Variants in CCDC91 observed in about 807,000 individuals in gnomAD.
The protein encoded by CCDC91 is coiled-coil domain containing 91, also known as coiled-coil domain-containing protein 91.
Under a neutral mutation model 63.2 loss-of-function variants are expected in CCDC91, and 48 were observed. The ratio of observed to expected loss-of-function variants is 0.76; its 90% CI spans 0.60 to 0.97. The LOEUF (loss-of-function observed/expected upper bound fraction) is 0.97. CCDC91 is among the 50% of genes least tolerant of loss of function. The probability of loss-of-function intolerance (pLI) is 0.00; values close to 1 mark genes in which losing one functional copy is unlikely to be tolerated. For missense variants in CCDC91, 500 were observed against 494.6 expected (o/e 1.01, Z -0.10); for synonymous variants, 167 against 165.8 (o/e 1.01, Z -0.06).
chr12:28,500,773 C>G (rs774715275), intron 12 of CCDC91, among the ~76,000 whole-genome samples: 1 of 151,628 alleles, frequency 6.6e-6, no homozygotes, highest in Non-Finnish European at 1.5e-5. Flanking sequence ...TAGATGTATT[C>G]CATAGATATT....
At chr12:28,335,174 T>C (rs1440828785) in intron 6 of CCDC91, among the ~76,000 whole-genome samples, 20 of 138,458 alleles carry the variant, frequency 1.4e-4, no homozygotes, top group Admixed American at 1.2e-3. Context: ...ATATAATGTT[T>C]ATAATATAAA....
intron 6 of CCDC91, among the ~76,000 whole-genome samples, chr12:28,358,037 C>T (rs1943633241): frequency 6.6e-6 from 1 of 152,044 alleles, no homozygotes; most frequent in African/African-American, 2.4e-5. Context: ...GTATGATTGC[C>T]ATTAGTAACT....
In CCDC91 at chr12:28,257,234, G is replaced by C; in HGVS notation, c.19G>C (p.Gly7Arg). Residue 7 changes from glycine (G) to arginine (R), a missense_variant, in exon 2 of 13, where the codon GGT becomes CGT. Gly to Arg is a moderately radical substitution (Grantham distance 125). Coordinates refer to ENST00000536442, the MANE Select transcript of CCDC91 (RefSeq NM_018318.5). The part of the protein sequence containing the change: MDDDDF[G>R]GFEAAETFDG... ...TTGAAGAATGGATGATGATGATTTTGGTGGTTTTGAGGTATGCACTGTTAT... is the reference window on the plus strand; with the variant it reads ...TTGAAGAATGGATGATGATGATTTTCGTGGTTTTGAGGTATGCACTGTTAT... 6.2e-7 allele frequency: 1 copy of C among 1,610,540 alleles called. No individual in the cohort carries two copies. The highest frequency in any genetic ancestry group is 8.5e-7 in the Non-Finnish European group (1 of 1,177,194).
At chr12:28,484,859 A>G (rs563351481) in intron 12 of CCDC91, among the ~76,000 whole-genome samples, 3 of 150,170 alleles carry the variant, frequency 2.0e-5, no homozygotes. Flanking sequence ...ATAATAAAAT[A>G]TATAATAAAA....
intron 7 of CCDC91, among the ~76,000 whole-genome samples, chr12:28,378,258 CT>C (rs1413316277): frequency 2.0e-5 from 3 of 152,034 alleles, no homozygotes; most frequent in African/African-American, 7.2e-5. Flanking sequence ...ATGCTAAATA[CT>C]TTTTGTTAAG....
intron 1 of CCDC91, among the ~76,000 whole-genome samples, chr12:28,223,044 G>A (rs941870290): frequency 1.3e-5 from 2 of 152,008 alleles, no homozygotes; most frequent in African/African-American, 4.8e-5. Context: ...GGTGAGCTTC[G>A]CCAGCCTATC....
chr12:28,442,848 T>G (rs1949299162), intron 8 of CCDC91, among the ~76,000 whole-genome samples: 1 of 152,040 alleles, frequency 6.6e-6, no homozygotes, highest in Non-Finnish European at 1.5e-5. Context: ...GTATGTTTGT[T>G]TGTTTGTTTG....
chr12:28,439,248 T>G (rs950091629), intron 8 of CCDC91, among the ~76,000 whole-genome samples: 1 of 152,190 alleles, frequency 6.6e-6, no homozygotes, highest in African/African-American at 2.4e-5. Context: ...GGTAACTTCT[T>G]TAAGTAGATT....
At chr12:28,516,279 AC>A (rs1247688369) in intron 12 of CCDC91, among the ~76,000 whole-genome samples, 11 of 151,932 alleles carry the variant, frequency 7.2e-5, no homozygotes, top group Non-Finnish European at 1.6e-4. Flanking sequence ...ATATCAGAAT[AC>A]CTAAGACTGA....
At chr12:28,433,564 A>G (rs1166493721) in intron 8 of CCDC91, among the ~76,000 whole-genome samples, 2 of 151,732 alleles carry the variant, frequency 1.3e-5, no homozygotes, top group African/African-American at 4.8e-5. Context: ...CCATTTATCT[A>G]TTTGTTGATT....
At chr12:28,523,476 A>G (rs1307672861) in intron 12 of CCDC91, among the ~76,000 whole-genome samples, 1 of 152,014 alleles carries the variant, frequency 6.6e-6, no homozygotes, top group Admixed American at 6.6e-5. Context: ...GTCTCTGCAC[A>G]TGAGATGGGT....
intron 7 of CCDC91, among the ~76,000 whole-genome samples, chr12:28,374,934 G>A (rs990140017): frequency 2.0e-5 from 3 of 152,006 alleles, no homozygotes; most frequent in Non-Finnish European, 4.4e-5. Flanking sequence ...TCTGTCTTTA[G>A]TGATTTTATA....
chr12:28,361,735 T>C (rs1187093937), intron 6 of CCDC91, among the ~76,000 whole-genome samples: 3 of 152,086 alleles, frequency 2.0e-5, no homozygotes, highest in Admixed American at 2.0e-4. Context: ...CTATCTGTTT[T>C]CTCCATTTCC....
intron 3 of CCDC91, among the ~76,000 whole-genome samples, chr12:28,298,693 T>A (rs564896899): frequency 6.6e-6 from 1 of 150,640 alleles, no homozygotes; most frequent in East Asian, 1.9e-4. Context: ...GGAACCACTG[T>A]CCTCCATTTT....
intron 3 of CCDC91, among the ~76,000 whole-genome samples, chr12:28,305,170 C>T (rs927290425): frequency 8.6e-5 from 13 of 151,934 alleles, no homozygotes; most frequent in East Asian, 1.9e-4. Flanking sequence ...ACTTGCCTAC[C>T]GAGTCATAAA....
At chr12:28,234,486 G>A (rs1334063203) in intron 1 of CCDC91, among the ~76,000 whole-genome samples, 2 of 152,084 alleles carry the variant, frequency 1.3e-5, no homozygotes, top group African/African-American at 4.8e-5. Flanking sequence ...CTATCTTACA[G>A]ATTTTTAAAG....
chr12:28,464,128 C>T (rs1950439126), intron 11 of CCDC91, among the ~76,000 whole-genome samples: 1 of 152,148 alleles, frequency 6.6e-6, no homozygotes, highest in African/African-American at 2.4e-5. Context: ...CTCCTGCCCA[C>T]TGAGTGAGCA....
In CCDC91 at chr12:28,452,542, A is replaced by G. The variant is rs759061812; in HGVS notation, c.989A>G (p.Glu330Gly). Residue 330 changes from glutamate (E) to glycine (G), a missense_variant, in exon 11 of 13, where the codon GAA becomes GGA. Physicochemically the swap from Glu to Gly is moderately conservative, Grantham distance 98. Transcript: ENST00000536442. The part of the protein sequence containing the change: ...KVVEEERKNL[E>G]KAHAEERELW... The stretch of plus-strand genomic sequence containing the variant: ...GTAGAAGAAGAAAGAAAAAATTTAG[A>G]AAAAGCGCATGCTGAAGAAAGGGAA... 1.9e-6 allele frequency: 3 copies of G among 1,591,280 alleles called. No homozygotes were observed. Among genetic ancestry groups the G allele is most frequent in the East Asian group, 4.5e-5 (2 of 44,340 alleles).
intron 6 of CCDC91, among the ~76,000 whole-genome samples, chr12:28,315,173 T>TA (rs1565783890): frequency 3.1e-5 from 4 of 128,606 alleles, no homozygotes; most frequent in Non-Finnish European, 5.3e-5. Context: ...ATATATATAT[T>TA]TTTGTTTTTG....
Sources: allele counts gnomAD v4.1 joint callset (sites outside exome capture counted in the v4.1 genomes callset), GRCh38; gene constraint gnomAD v4.1.1; transcripts MANE v1.5; gene names NCBI Gene and HGNC (gene_info 2026-07-23, HGNC 2026-07-21).